VAV2: variants seen among roughly 807,000 people sequenced by gnomAD.
VAV2 encodes the protein vav guanine nucleotide exchange factor 2.
Under a neutral mutation model 132.5 loss-of-function variants are expected in VAV2, and 67 were observed. That is an observed-to-expected ratio of 0.51 (90% CI 0.42 to 0.62). The LOEUF (loss-of-function observed/expected upper bound fraction) is 0.62. Among genes scored for constraint, VAV2 ranks in the 20% least tolerant of loss-of-function variants. The probability of loss-of-function intolerance (pLI) is 0.00; values close to 1 mark genes in which losing one functional copy is unlikely to be tolerated. For missense variants in VAV2, 938 were observed against 1,153.6 expected (o/e 0.81, Z 2.71); for synonymous variants, 492 against 443.5 (o/e 1.11, Z -1.37).
At chr9:133,770,262 T>C in intron 27 of VAV2, 116 bp downstream of exon 27, 2 of 1,497,228 alleles carry the variant, frequency 1.3e-6, no homozygotes, top group Non-Finnish European at 1.8e-6. Context: ...GGGGCTGTGT[T>C]CCCCAGGGTG....
chr9:133,788,176 C>T lies in VAV2; in HGVS notation c.1407+178G>A, dbSNP rs754691697. Among the ~76,000 whole-genome samples, 2 of 152,176 alleles carry T rather than the reference C, an allele frequency of 1.3e-5. No individual in the cohort carries two copies. The highest frequency in any genetic ancestry group is 2.9e-5 in the Non-Finnish European group (2 of 68,036). On this transcript the variant is annotated intron_variant, in intron 15 of 29. Coordinates refer to ENST00000371850, the MANE Select transcript of VAV2 (RefSeq NM_001134398.2). The surrounding 1 kb of genome is among the most constrained non-coding windows in gnomAD (Gnocchi z 5.3). Reference sequence around the variant, plus strand: ...GGCCTGCTATGAGCAGTGGTCACGACGGCGAGGCAGTGACTCAGAGAGGAG... The same window carrying T: ...GGCCTGCTATGAGCAGTGGTCACGATGGCGAGGCAGTGACTCAGAGAGGAG...
chr9:133,976,549 T>C (rs1210190464), intron 1 of VAV2, among the ~76,000 whole-genome samples: 3 of 152,218 alleles, frequency 2.0e-5, no homozygotes, highest in African/African-American at 7.2e-5. Flanking sequence ...ATTTTAATTG[T>C]GGTAAAGTAC....
At chr9:133,841,946 C>G (rs899768449) in intron 3 of VAV2, among the ~76,000 whole-genome samples, 2 of 144,610 alleles carry the variant, frequency 1.4e-5, no homozygotes, top group African/African-American at 5.6e-5. Context: ...TCCTGGATCA[C>G]AATTGGAAAA....
intron 16 of VAV2, among the ~76,000 whole-genome samples, chr9:133,786,197 G>A (rs1291359382): frequency 1.3e-5 from 2 of 152,234 alleles, no homozygotes; most frequent in Non-Finnish European, 2.9e-5. Flanking sequence ...GTGTGCATCT[G>A]TGCCTGCACG....
rs138987711 is a variant in VAV2, at chr9:133,825,517, G to T, written c.449+8755C>A. ...CTTTGGAAAAACAATCCTCTGGGGT[G>T]AACATAAGGTGTCCCAAACCCAGCC... On this transcript the variant is annotated intron_variant, in intron 4 of 29. Transcript: ENST00000371850. Among the ~76,000 whole-genome samples the T allele has an allele frequency of 3.8e-3, 583 of 152,298 alleles. 7 individuals carry two copies. Among genetic ancestry groups the T allele is most frequent in the African/African-American group, 0.013 (537 of 41,568 alleles).
intron 3 of VAV2, among the ~76,000 whole-genome samples, chr9:133,849,986 A>G (rs1295186338): frequency 1.3e-5 from 2 of 152,176 alleles, no homozygotes; most frequent in African/African-American, 4.8e-5. Context: ...CATTCACCCC[A>G]TACACCCCCT....
At chr9:133,799,020 G>A (rs192899897) in intron 9 of VAV2, among the ~76,000 whole-genome samples, 30 of 152,346 alleles carry the variant, frequency 2.0e-4, no homozygotes, top group East Asian at 3.9e-4. Flanking sequence ...CTGCTTTGCC[G>A]TAGGGCACCC....
chr9:133,935,564 A>G lies in VAV2; in HGVS notation c.321+3539T>C, dbSNP rs1840877079. Among the ~76,000 whole-genome samples, 1 of 152,198 alleles carries G rather than the reference A, an allele frequency of 6.6e-6. No individual in the cohort carries two copies. Reference sequence around the variant, plus strand: ...TGAGCACCTGGGCAGACCAGGCCGCAGGGAGGAGCTGGGCTTTTGCTTGTG... The same window carrying G: ...TGAGCACCTGGGCAGACCAGGCCGCGGGGAGGAGCTGGGCTTTTGCTTGTG... On this transcript the variant is annotated intron_variant, in intron 2 of 29. Transcript: ENST00000371850. The surrounding 1 kb of genome is among the most constrained non-coding windows in gnomAD (Gnocchi z 5.2).
chr9:133,960,397 G>A (rs1238976706), intron 1 of VAV2, among the ~76,000 whole-genome samples: 2 of 152,038 alleles, frequency 1.3e-5, no homozygotes, highest in East Asian at 3.9e-4. Flanking sequence ...AGAGGCCCAG[G>A]GGAGCTGGGG....
chr9:133,843,155 C>T (rs1299172064), intron 3 of VAV2, among the ~76,000 whole-genome samples: 1 of 152,176 alleles, frequency 6.6e-6, no homozygotes, highest in Non-Finnish European at 1.5e-5. Context: ...ATGGCCACAC[C>T]CGGCTCGGGG....
intron 1 of VAV2, among the ~76,000 whole-genome samples, chr9:133,976,958 A>C (rs1842531826): frequency 6.6e-6 from 1 of 152,188 alleles, no homozygotes; most frequent in Admixed American, 6.5e-5. Context: ...CTAGGTCCTA[A>C]CCACACTGCC....
At chr9:133,908,890 G>A (rs912166088) in intron 2 of VAV2, among the ~76,000 whole-genome samples, 1 of 152,216 alleles carries the variant, frequency 6.6e-6, no homozygotes, top group South Asian at 2.1e-4. Context: ...AATCTGGTGA[G>A]GGCAAGGCCA....
chr9:133,942,425 G>A (rs1176532675), intron 1 of VAV2, among the ~76,000 whole-genome samples: 1 of 152,238 alleles, frequency 6.6e-6, no homozygotes, highest in African/African-American at 2.4e-5. Flanking sequence ...GCTGCTTAAA[G>A]CCACCACGGT....
At position 133,885,452 on chromosome 9, in the gene VAV2, G is replaced by C. The variant is rs543966813; in HGVS notation, c.322-24020C>G. On this transcript the variant is annotated intron_variant, in intron 2 of 29. Transcript: ENST00000371850. The surrounding 1 kb of genome is among the most constrained non-coding windows in gnomAD (Gnocchi z 5.0). ...TTCCAAAACAAGTCTTGATCCAAGG[G>C]CACAGCGGTGGCCGGTACTTCCTGA... Among the ~76,000 whole-genome samples the C allele has an allele frequency of 6.6e-6, 1 of 152,306 alleles. No individual in the cohort carries two copies. Among genetic ancestry groups the C allele is most frequent in the East Asian group, 1.9e-4 (1 of 5,178 alleles).
chr9:133,805,865 C>T lies in VAV2; in HGVS notation c.836+216G>A, dbSNP rs116562663. Among the ~76,000 whole-genome samples, 508 of 152,320 alleles carry T rather than the reference C, an allele frequency of 3.3e-3. 5 individuals carry two copies. Among genetic ancestry groups the T allele is most frequent in the Middle Eastern group, 0.02 (6 of 294 alleles). On this transcript the variant is annotated intron_variant, in intron 9 of 29. Coordinates refer to ENST00000371850, the MANE Select transcript of VAV2 (RefSeq NM_001134398.2). Reference sequence around the variant, plus strand: ...TCCAGAACCCCAATCCTGCCCCTGCCGAGCTCCCACAGGACAGGAGGCTCC... The same window carrying T: ...TCCAGAACCCCAATCCTGCCCCTGCTGAGCTCCCACAGGACAGGAGGCTCC...
At chr9:133,910,917 C>T (rs114904383) in intron 2 of VAV2, among the ~76,000 whole-genome samples, 8 of 151,674 alleles carry the variant, frequency 5.3e-5, no homozygotes, top group Admixed American at 4.6e-4. Context: ...GGGAGTCTAA[C>T]ACAGTCCCGC....
At position 133,788,805 on chromosome 9, in the gene VAV2, G is replaced by A. The variant is rs1245774235; in HGVS notation, c.1275-319C>T. Among the ~76,000 whole-genome samples the A allele has an allele frequency of 1.3e-5, 2 of 152,172 alleles. No homozygotes were observed. The highest frequency in any genetic ancestry group is 2.1e-4 in the South Asian group (1 of 4,822). ...GACGGCTACTCCCAGTTGATCCCGC[G>A]CTGGACTGGGAGCCTCAAGAGGGTG... On this transcript the variant is annotated intron_variant, in intron 14 of 29. Transcript: ENST00000371850. This position sits in a 1 kb window ranked among gnomAD's most constrained non-coding sequence, Gnocchi z 5.3.
At position 133,924,882 on chromosome 9, in the gene VAV2, G is replaced by A. The variant is rs149502935; in HGVS notation, c.321+14221C>T. Among the ~76,000 whole-genome samples the A allele has an allele frequency of 8.9e-3, 1,349 of 152,336 alleles. 13 individuals carry two copies. The highest frequency in any genetic ancestry group is 0.03 in the African/African-American group (1,258 of 41,572). The stretch of plus-strand genomic sequence containing the variant: ...GATCCAAACAGTAAAATATGATTCA[G>A]TCACAAAAAGGAATGACCCACTGGC... On this transcript the variant is annotated intron_variant, in intron 2 of 29. Coordinates refer to ENST00000371850, the MANE Select transcript of VAV2 (RefSeq NM_001134398.2).
Position 133,769,372 on chromosome 9 carries a change from G to A in VAV2, c.2434+45C>T. On this transcript the variant is annotated intron_variant, in intron 28 of 29. Transcript: ENST00000371850. The surrounding 1 kb of genome is among the most constrained non-coding windows in gnomAD (Gnocchi z 8.1). ...GCTCCGTGCTGGGTCTCCCAAGGCA[G>A]CTGCCACAGGCCCGGTCCCCCCACG... 1 of 1,567,288 alleles carries A rather than the reference G, an allele frequency of 6.4e-7. No homozygotes were observed. The highest frequency in any genetic ancestry group is 1.2e-5 in the South Asian group (1 of 85,460).
Sources: gnomAD v4.1 joint callset for allele counts (sites outside exome capture counted in the v4.1 genomes callset) on GRCh38, gnomAD v4.1.1 for gene constraint, Gnocchi (gnomAD v3.1) non-coding constraint, MANE v1.5 for transcripts, NCBI Gene and HGNC (gene_info 2026-07-23, HGNC 2026-07-21) for gene names.